SLC44A5: variants seen among roughly 807,000 people sequenced by gnomAD.
SLC44A5 encodes choline transporter-like protein 5.
SLC44A5 carries 57 observed loss-of-function variants against 101.8 expected under a neutral mutation model. The ratio of observed to expected loss-of-function variants is 0.56; its 90% CI spans 0.45 to 0.70. The LOEUF (loss-of-function observed/expected upper bound fraction) is 0.70. Among genes scored for constraint, SLC44A5 ranks in the 30% least tolerant of loss-of-function variants. SLC44A5 has a pLI of 0.00. For synonymous variants in SLC44A5, 281 were observed against 290.9 expected, an observed-to-expected ratio of 0.97 and a Z score of 0.35; for missense variants, 737 against 853.1, an observed-to-expected ratio of 0.86 and a Z score of 1.70.
intron 4 of SLC44A5, among the ~76,000 whole-genome samples, chr1:75,320,221 G>GA (rs1203846521): frequency 1.3e-5 from 2 of 151,676 alleles, no homozygotes; most frequent in African/African-American, 4.8e-5. Flanking sequence ...CCAGATCTTT[G>GA]AAAAAATAAT....
the SLC44A5 span, among the ~76,000 whole-genome samples, chr1:75,651,485 A>G: frequency 0.044 from 6,639 of 152,084 alleles, 201 homozygotes; most frequent in African/African-American, 0.09. Flanking sequence ...TCATGAGGTC[A>G]GAAGATCGAG....
the SLC44A5 span, among the ~76,000 whole-genome samples, chr1:75,721,739 A>G: frequency 6.6e-6 from 1 of 152,216 alleles, no homozygotes; most frequent in African/African-American, 2.4e-5. Flanking sequence ...GGCATTCTTC[A>G]TGACAACTGC....
intron 6 of SLC44A5, among the ~76,000 whole-genome samples, chr1:75,266,828 C>A (rs978745630): frequency 1.3e-5 from 2 of 152,064 alleles, no homozygotes; most frequent in Non-Finnish European, 2.9e-5. Context: ...TGGGCCCAGC[C>A]CGGGAAGATA....
intron 3 of SLC44A5, among the ~76,000 whole-genome samples, chr1:75,350,890 T>C (rs1274990349): frequency 2.7e-4 from 3 of 11,270 alleles, no homozygotes; most frequent in Non-Finnish European, 4.7e-4. Context: ...TGAGACTCCA[T>C]CTCAAAAAAA....
chr1:75,452,124 G>GA (rs1456968572), intron 2 of SLC44A5, among the ~76,000 whole-genome samples: 3 of 152,172 alleles, frequency 2.0e-5, no homozygotes, highest in South Asian at 2.1e-4. Flanking sequence ...CAATGCTAAA[G>GA]AAAAAATCTT....
chr1:75,613,624 T>C (rs1675747817), upstream of SLC44A5, among the ~76,000 whole-genome samples: 1 of 152,216 alleles, frequency 6.6e-6, no homozygotes, highest in African/African-American at 2.4e-5. Context: ...ACTTTTCCTT[T>C]AAGAAAAACA....
chr1:75,478,728 A>C (rs1216086309), intron 2 of SLC44A5, among the ~76,000 whole-genome samples: 1 of 152,200 alleles, frequency 6.6e-6, no homozygotes, highest in Non-Finnish European at 1.5e-5. Flanking sequence ...TGCACCCAAT[A>C]CAGGAGCCCC....
At chr1:75,224,272 C>T (rs752389325) in intron 13 of SLC44A5, among the ~76,000 whole-genome samples, 13 of 152,186 alleles carry the variant, frequency 8.5e-5, no homozygotes, top group Non-Finnish European at 1.5e-4. Flanking sequence ...GTAGGTATAG[C>T]ATATAATGCT....
chr1:75,360,864 T>A (rs568790995), intron 3 of SLC44A5, among the ~76,000 whole-genome samples: 5 of 152,214 alleles, frequency 3.3e-5, no homozygotes, highest in Admixed American at 6.5e-5. Flanking sequence ...GAAATTTTGA[T>A]AGGGATTGCA....
intron 2 of SLC44A5, among the ~76,000 whole-genome samples, chr1:75,406,331 A>T (rs1662864913): frequency 6.6e-6 from 1 of 152,204 alleles, no homozygotes; most frequent in Non-Finnish European, 1.5e-5. Flanking sequence ...CAAACTATGG[A>T]AATAGAGGGA....
chr1:75,714,216 G>A, the SLC44A5 span, among the ~76,000 whole-genome samples: 1 of 152,150 alleles, frequency 6.6e-6, no homozygotes, highest in African/African-American at 2.4e-5. Context: ...GGGATAAAAG[G>A]TTGGTTCAAC....
At chr1:75,718,705 T>G in the SLC44A5 span, among the ~76,000 whole-genome samples, 1 of 152,186 alleles carries the variant, frequency 6.6e-6, no homozygotes, top group African/African-American at 2.4e-5. Flanking sequence ...CTGGATACCA[T>G]AGTACCTGAC....
At chr1:75,371,320 C>T (rs1416697029) in intron 3 of SLC44A5, among the ~76,000 whole-genome samples, 1 of 152,186 alleles carries the variant, frequency 6.6e-6, no homozygotes, top group Admixed American at 6.5e-5. Flanking sequence ...CTTCTCTATG[C>T]CTCAGTTTCC....
At chr1:75,524,388 G>A (rs1239276291) in intron 2 of SLC44A5, among the ~76,000 whole-genome samples, 2 of 152,088 alleles carry the variant, frequency 1.3e-5, no homozygotes, top group Non-Finnish European at 2.9e-5. Context: ...ATAGCAGTGT[G>A]AGAATGAACT....
At chr1:75,703,664 A>T in the SLC44A5 span, among the ~76,000 whole-genome samples, 5 of 129,816 alleles carry the variant, frequency 3.9e-5, no homozygotes, top group East Asian at 3.9e-4. Flanking sequence ...AGTATAATAA[A>T]AAAAAAAAAA....
intron 5 of SLC44A5, among the ~76,000 whole-genome samples, chr1:75,294,966 A>C (rs748227523): frequency 4.2e-4 from 64 of 152,150 alleles, no homozygotes; most frequent in Non-Finnish European, 6.5e-4. Flanking sequence ...TACAGCATTA[A>C]CTACAGTTAA....
In SLC44A5 at chr1:75,506,907, C is replaced by CTTTT. The variant is rs61554987; in HGVS notation, c.13+34524_13+34527dup. ...TCCTTGTCTGGTTCCTATTCCTATT[C>CTTTT]TTTTTTTTTTTTTTTTTTTTTTTTT... On this transcript the variant is annotated intron_variant, in intron 2 of 23. Transcript: ENST00000370859. Among the ~76,000 whole-genome samples, 332 of 68,802 alleles carry CTTTT rather than the reference C, an allele frequency of 4.8e-3. 8 individuals are homozygous for CTTTT. Among genetic ancestry groups the CTTTT allele is most frequent in the African/African-American group, 5.7e-3 (95 of 16,762 alleles). The allele number at this position is 68,802 out of a possible 152,430, so 45.1% of individuals were successfully genotyped here. A position where few individuals can be genotyped will look rare whatever the true frequency, so the allele number is the denominator to read the frequency against.
intron 1 of SLC44A5, among the ~76,000 whole-genome samples, chr1:75,552,301 T>C (rs1671978394): frequency 6.6e-6 from 1 of 152,070 alleles, no homozygotes; most frequent in Non-Finnish European, 1.5e-5. Flanking sequence ...TTAGCACCCA[T>C]AGGTGCTATT....
chr1:75,481,603 C>A (rs1324101749), intron 2 of SLC44A5, among the ~76,000 whole-genome samples: 1 of 151,902 alleles, frequency 6.6e-6, no homozygotes, highest in Non-Finnish European at 1.5e-5. Context: ...AGGACATGAA[C>A]AGACACTTCT....
Sources: allele counts gnomAD v4.1 joint callset (sites outside exome capture counted in the v4.1 genomes callset), GRCh38; gene constraint gnomAD v4.1.1; transcripts MANE v1.5; gene names NCBI Gene and HGNC (gene_info 2026-07-23, HGNC 2026-07-21).